Variants in PCDHA11 observed in about 807,000 individuals in gnomAD.
PCDHA11 encodes the protein protocadherin alpha-11.
Under a neutral mutation model 70.3 loss-of-function variants are expected in PCDHA11, and 61 were observed. That is an observed-to-expected ratio of 0.87 (90% CI 0.71 to 1.07). The LOEUF is 1.07. PCDHA11 is among the 50% of genes least tolerant of loss of function. PCDHA11 has a pLI of 0.00. For synonymous variants in PCDHA11, 633 were observed against 555.1 expected (o/e 1.14, Z -1.97); for missense variants, 1,324 against 1,237.5 (o/e 1.07, Z -1.05).
intron 1 of PCDHA11, among the ~76,000 whole-genome samples, chr5:140,944,481 T>C (rs1441639137): frequency 1.3e-5 from 2 of 152,106 alleles, no homozygotes; most frequent in Admixed American, 6.5e-5. Flanking sequence ...GGCACTGGAC[T>C]GAGGCTTCTT....
chr5:140,952,724 C>T (rs1481919445), intron 1 of PCDHA11, among the ~76,000 whole-genome samples: 1 of 152,100 alleles, frequency 6.6e-6, no homozygotes, highest in African/African-American at 2.4e-5. Flanking sequence ...ATTTTCTGTA[C>T]TAGTCTTTTC....
chr5:141,010,325 G>T lies in PCDHA11; in HGVS notation c.*388G>T. On this transcript the variant is annotated 3_prime_UTR_variant, in exon 4 of 4. Coordinates refer to ENST00000398640, the MANE Select transcript of PCDHA11 (RefSeq NM_018902.5). Reference sequence around the variant, plus strand: ...GAAAAGTTTTGAGATTGAGCAGCTTGGGAGTTTGTGGCCACTGGGTATGTG... The same window carrying T: ...GAAAAGTTTTGAGATTGAGCAGCTTTGGAGTTTGTGGCCACTGGGTATGTG... 1 of 1,539,506 alleles carries T rather than the reference G, an allele frequency of 6.5e-7. No individual in the cohort carries two copies. The highest frequency in any genetic ancestry group is 8.7e-7 in the Non-Finnish European group (1 of 1,142,888).
Position 141,010,316 on chromosome 5 carries a change from G to T in PCDHA11, c.*379G>T. ...GGGCAGGCTGAAAAGTTTTGAGATT[G>T]AGCAGCTTGGGAGTTTGTGGCCACT... On this transcript the variant is annotated 3_prime_UTR_variant, in exon 4 of 4. Coordinates refer to ENST00000398640, the MANE Select transcript of PCDHA11 (RefSeq NM_018902.5). The T allele has an allele frequency of 1.3e-6, 2 of 1,546,404 alleles. No individual in the cohort carries two copies. The highest frequency in any genetic ancestry group is 2.4e-5 in the South Asian group (2 of 83,328).
In PCDHA11 at chr5:141,009,849, C is replaced by G; in HGVS notation, c.2762C>G (p.Thr921Ser). The change falls in exon 4 of 4, where the codon ACC (threonine) becomes AGC (serine). Residue 921 changes from threonine (T) to serine (S), a missense_variant. Physicochemically the swap from Thr to Ser is moderately conservative, Grantham distance 58. Coordinates refer to ENST00000398640, the MANE Select transcript of PCDHA11 (RefSeq NM_018902.5). ...ATAACCTTCGGCAAAAAGGAGGAGA[C>G]CAAGAAAAAGAAGAAAAAGAAGAAG... ...DFITFGKKEE[T>S]KKKKKKKKGN... 1 of 1,613,364 alleles carries G rather than the reference C, an allele frequency of 6.2e-7. No homozygotes were observed. The highest frequency in any genetic ancestry group is 8.5e-7 in the Non-Finnish European group (1 of 1,179,856).
chr5:140,943,057 G>A (rs907618778), intron 1 of PCDHA11, among the ~76,000 whole-genome samples: 2 of 151,996 alleles, frequency 1.3e-5, no homozygotes, highest in African/African-American at 4.8e-5. Context: ...AGGAGTTCAA[G>A]AACAGCCTGA....
intron 1 of PCDHA11, chr5:140,926,980 A>C: frequency 3.1e-6 from 5 of 1,610,364 alleles, no homozygotes; most frequent in Non-Finnish European, 4.2e-6. Flanking sequence ...GCCGGAGGAG[A>C]CGGAGCGGGG....
At chr5:140,938,055 T>C (rs1475337267) in intron 1 of PCDHA11, among the ~76,000 whole-genome samples, 1 of 152,232 alleles carries the variant, frequency 6.6e-6, no homozygotes, top group African/African-American at 2.4e-5. Flanking sequence ...TTTCTACATA[T>C]ACTGTCATGC....
At position 140,958,540 on chromosome 5, in the gene PCDHA11, A is replaced by G. The variant is rs920451567; in HGVS notation, c.2392-20409A>G. 4.6e-5 allele frequency among the ~76,000 whole-genome samples: 7 copies of G among 152,312 alleles called. 1 individual carries two copies. In the East Asian group the frequency reaches 1.3e-3, roughly 29 times the overall value. On this transcript the variant is annotated intron_variant, in intron 1 of 3. Coordinates refer to ENST00000398640, the MANE Select transcript of PCDHA11 (RefSeq NM_018902.5). ...ATATATACTATGTGTACATTGATTT[A>G]TGAACCAATAAATGTTTCATACACA... is the stretch of plus-strand genomic sequence containing the variant.
rs782392888 is a variant in PCDHA11, at chr5:140,870,336, C to T, written c.1233C>T (p.Ala411=). ...ACTACTCGTTGGTGCTGGACAGCGC[C>T]CTGGACCGCGAGAACGTGTGGGCCT... ...KNYYSLVLDS[A]LDRENVWAYE... is the part of the protein sequence containing the mutation. Residue 411 remains alanine, a synonymous_variant, in exon 1 of 4, where the codon GCC becomes GCT. Transcript: ENST00000398640. 37 of 1,614,034 alleles carry T rather than the reference C, an allele frequency of 2.3e-5. No individual in the cohort carries two copies. Among genetic ancestry groups the T allele is most frequent in the Non-Finnish European group, 2.9e-5 (34 of 1,180,022 alleles).
chr5:141,006,726 A>G (rs2098284944), intron 3 of PCDHA11, among the ~76,000 whole-genome samples: 1 of 152,172 alleles, frequency 6.6e-6, no homozygotes, highest in African/African-American at 2.4e-5. Flanking sequence ...CAGAAATGAC[A>G]GGTCTTGATG....
At position 140,870,696 on chromosome 5, in the gene PCDHA11, G is replaced by A. The variant is rs377050637; in HGVS notation, c.1593G>A (p.Gln531=). The A allele has an allele frequency of 1.1e-5, 17 of 1,612,906 alleles. No individual in the cohort carries two copies. The African/African-American group carries it at 1.9e-4, about 18-fold the overall frequency. ...PLDHEELELL[Q]FQVSARDAGV... ...ACCACGAGGAGCTGGAGCTGCTACA[G>A]TTCCAGGTGAGCGCGCGCGATGCGG... Residue 531 remains glutamine, a synonymous_variant, in exon 1 of 4, where the codon CAG becomes CAA. Coordinates refer to ENST00000398640, the MANE Select transcript of PCDHA11 (RefSeq NM_018902.5).
chr5:140,967,833 T>C, intron 1 of PCDHA11: 1 of 1,614,132 alleles, frequency 6.2e-7, no homozygotes, highest in Non-Finnish European at 8.5e-7. Context: ...GTGGACATCG[T>C]GGACGTGAAT....
At chr5:140,997,329 T>C (rs1030113015) in intron 3 of PCDHA11, among the ~76,000 whole-genome samples, 1 of 152,228 alleles carries the variant, frequency 6.6e-6, no homozygotes, top group African/African-American at 2.4e-5. Context: ...AGTTTTTTCG[T>C]TGTACAAATA....
chr5:140,903,818 T>A (rs1554191152), intron 1 of PCDHA11, among the ~76,000 whole-genome samples: 1 of 152,202 alleles, frequency 6.6e-6, no homozygotes. Context: ...AGTTCTCACA[T>A]GAATGTCTGT....
intron 1 of PCDHA11, among the ~76,000 whole-genome samples, chr5:140,886,844 AAAAG>A (rs1232979230): frequency 6.0e-5 from 9 of 150,634 alleles, no homozygotes; most frequent in Non-Finnish European, 8.9e-5. Flanking sequence ...AAAAAAAAAA[AAAAG>A]AAAGGTCTTC....
chr5:140,889,766 A>T (rs2062380294), intron 1 of PCDHA11, among the ~76,000 whole-genome samples: 1 of 152,064 alleles, frequency 6.6e-6, no homozygotes, highest in Non-Finnish European at 1.5e-5. Flanking sequence ...TTGAACTTTG[A>T]CTGGTCTTAA....
chr5:140,944,451 T>C (rs6878788), intron 1 of PCDHA11, among the ~76,000 whole-genome samples: 8,488 of 152,228 alleles, frequency 0.056, 701 homozygotes, highest in African/African-American at 0.18. Flanking sequence ...CCTCCCAAAG[T>C]GCTGGGATTA....
At position 140,869,840 on chromosome 5, in the gene PCDHA11, A is replaced by T. The variant is rs782569950; in HGVS notation, c.737A>T (p.Glu246Val). 9 of 1,611,616 alleles carry T rather than the reference A, an allele frequency of 5.6e-6. No homozygotes were observed. The Admixed American group carries it at 1.5e-4, about 27-fold the overall frequency. The change falls in exon 1 of 4, where the codon GAA (glutamate) becomes GTA (valine). Residue 246 changes from glutamate (E) to valine (V), a missense_variant. Transcript: ENST00000398640. The stretch of plus-strand genomic sequence containing the variant: ...AATGATCCAGAGTTTGATAAATCAG[A>T]ATATAAGGTGAGCCTTATGGAAAAT... ...NDNDPEFDKSEYKVSLMENAA... is the reference protein window; with the variant it reads ...NDNDPEFDKSVYKVSLMENAA...
At chr5:140,966,731 G>C (rs2096045524) in intron 1 of PCDHA11, 3 of 1,405,020 alleles carry the variant, frequency 2.1e-6, no homozygotes, top group Non-Finnish European at 2.8e-6. Flanking sequence ...TGCCGCCTCC[G>C]GCCCTGCCCG....
Sources: allele counts gnomAD v4.1 joint callset (sites outside exome capture counted in the v4.1 genomes callset), GRCh38; gene constraint gnomAD v4.1.1; transcripts MANE v1.5; gene names NCBI Gene and HGNC (gene_info 2026-07-23, HGNC 2026-07-21).